The following ARHGAP26 variants were observed in gnomAD, a reference collection of about 807,000 sequenced individuals.
ARHGAP26 encodes the protein rho GTPase-activating protein 26.
A neutral mutation model predicts 104.8 loss-of-function variants in ARHGAP26; 38 were observed. That is an observed-to-expected ratio of 0.36 (90% CI 0.28 to 0.48). The LOEUF is 0.48. Among genes scored for constraint, ARHGAP26 ranks in the 20% least tolerant of loss-of-function variants. The pLI is 0.99. For missense variants in ARHGAP26, 704 were observed against 947.9 expected, an observed-to-expected ratio of 0.74 and a Z score of 3.38; for synonymous variants, 341 against 340.0, an observed-to-expected ratio of 1.00 and a Z score of -0.03.
rs1793508845 is a variant in ARHGAP26 at position 143,103,218 on chromosome 5, CT to C, written c.1539-17769del. On this transcript the variant is annotated intron_variant, in intron 17 of 22. Transcript: ENST00000645722. ...ATTGTGCCTGGGACCTTAAAAGTCA[CT>C]GGATCAGTAGACATGGGAAAAAGTT... 3.0e-6 allele frequency: 3 copies of C among 984,788 alleles called. No homozygotes were observed. In the African/African-American group the frequency reaches 5.2e-5, roughly 17 times the overall value. 61.0% of individuals were successfully genotyped at this position (984,788 alleles called of 1,614,324 possible).
At chr5:142,885,435 C>T (rs772042048) in intron 5 of ARHGAP26, 36 bp downstream of exon 5, 1 of 1,544,324 alleles carries the variant, frequency 6.5e-7, no homozygotes, top group Non-Finnish European at 8.9e-7. Context: ...ATAAAGTGTT[C>T]AATTTGTACA....
intron 11 of ARHGAP26, among the ~76,000 whole-genome samples, chr5:142,976,635 T>A (rs940926219): frequency 3.3e-5 from 5 of 152,156 alleles, no homozygotes; most frequent in African/African-American, 1.2e-4. Flanking sequence ...TCATAAGATA[T>A]CCTGTTGGGA....
intron 17 of ARHGAP26, among the ~76,000 whole-genome samples, chr5:143,110,868 A>G (rs1296792417): frequency 6.6e-6 from 1 of 152,230 alleles, no homozygotes. Flanking sequence ...TACTAGCTGA[A>G]GCCTAAACTG....
chr5:143,076,218 G>A (rs1267186859), intron 17 of ARHGAP26, among the ~76,000 whole-genome samples: 1 of 131,076 alleles, frequency 7.6e-6, no homozygotes, highest in Non-Finnish European at 1.6e-5. Flanking sequence ...GGCTGGTCTC[G>A]AACTCCTGGC....
At chr5:143,043,206 C>T (rs1180284786) in intron 14 of ARHGAP26, among the ~76,000 whole-genome samples, 1 of 152,220 alleles carries the variant, frequency 6.6e-6, no homozygotes, top group African/African-American at 2.4e-5. Flanking sequence ...TCCCACCTTG[C>T]ACCCTGTGCC....
intron 20 of ARHGAP26, among the ~76,000 whole-genome samples, chr5:143,199,768 A>G (rs1047216284): frequency 1.3e-5 from 2 of 152,132 alleles, no homozygotes; most frequent in Non-Finnish European, 2.9e-5. Context: ...GCAAATGCCA[A>G]TTTTGCTGCT....
At chr5:143,183,088 A>G (rs975200176) in intron 20 of ARHGAP26, among the ~76,000 whole-genome samples, 4 of 151,736 alleles carry the variant, frequency 2.6e-5, no homozygotes, top group Non-Finnish European at 4.4e-5. Flanking sequence ...AAAAAAAAAA[A>G]AAAGAAAAAA....
chr5:142,903,725 G>A, intron 8 of ARHGAP26, 56 bp downstream of exon 8: 5 of 1,579,180 alleles, frequency 3.2e-6, no homozygotes, highest in Non-Finnish European at 4.3e-6. Context: ...TACCTAGAAG[G>A]TGGAGGATGT....
intron 1 of ARHGAP26, among the ~76,000 whole-genome samples, chr5:142,836,599 C>T (rs1769627300): frequency 6.6e-6 from 1 of 152,154 alleles, no homozygotes; most frequent in Non-Finnish European, 1.5e-5. Context: ...CCTGTGTTTT[C>T]ACAGAAGTTG....
chr5:143,080,250 A>C (rs1236504766), intron 17 of ARHGAP26, among the ~76,000 whole-genome samples: 1 of 152,244 alleles, frequency 6.6e-6, no homozygotes, highest in Admixed American at 6.5e-5. Context: ...GCTTAAAGTT[A>C]AATTGAGGCA....
intron 14 of ARHGAP26, among the ~76,000 whole-genome samples, chr5:143,051,269 C>T (rs1264196750): frequency 6.6e-6 from 1 of 152,196 alleles, no homozygotes; most frequent in East Asian, 1.9e-4. Context: ...CCAAGTGTGA[C>T]ATTTCTAAGA....
At chr5:142,938,973 A>T (rs961807368) in intron 11 of ARHGAP26, among the ~76,000 whole-genome samples, 1 of 152,218 alleles carries the variant, frequency 6.6e-6, no homozygotes, top group Non-Finnish European at 1.5e-5. Context: ...TAAGAAACAG[A>T]TACTTTAGCA....
chr5:143,120,050 G>A (rs1181684152), intron 17 of ARHGAP26, among the ~76,000 whole-genome samples: 1 of 152,222 alleles, frequency 6.6e-6, no homozygotes, highest in African/African-American at 2.4e-5. Context: ...TTTCAAGTTA[G>A]TAATGAATAG....
chr5:143,196,218 C>A (rs1187510478), intron 20 of ARHGAP26, among the ~76,000 whole-genome samples: 1 of 152,022 alleles, frequency 6.6e-6, no homozygotes, highest in African/African-American at 2.4e-5. Context: ...TTGCTGGTGT[C>A]CACATCTCTT....
At chr5:143,032,744 T>TA (rs1369899975) in intron 12 of ARHGAP26, among the ~76,000 whole-genome samples, 12 of 152,362 alleles carry the variant, frequency 7.9e-5, no homozygotes, top group African/African-American at 2.2e-4. Context: ...TGGTCCATGA[T>TA]AAATAATAAA....
At chr5:142,963,181 T>TATATATATATATATATAC (rs1770610595) in intron 11 of ARHGAP26, among the ~76,000 whole-genome samples, 7 of 111,562 alleles carry the variant, frequency 6.3e-5, no homozygotes, top group African/African-American at 3.6e-4. Flanking sequence ...TGTATATATA[T>TATATATATATATATATAC]ATATATATAT....
At chr5:142,784,170 T>G (rs1758073338) in intron 1 of ARHGAP26, among the ~76,000 whole-genome samples, 1 of 152,314 alleles carries the variant, frequency 6.6e-6, no homozygotes, top group East Asian at 1.9e-4. Flanking sequence ...GCAAGATGGG[T>G]TTCTCTCTGG....
intron 2 of ARHGAP26, among the ~76,000 whole-genome samples, chr5:142,873,807 A>G (rs982565428): frequency 6.6e-6 from 1 of 152,152 alleles, no homozygotes; most frequent in Non-Finnish European, 1.5e-5. Context: ...CATAGTACTA[A>G]GAGCTTAGAG....
At chr5:143,095,010 CAATA>C (rs1250428063) in intron 17 of ARHGAP26, among the ~76,000 whole-genome samples, 2 of 152,094 alleles carry the variant, frequency 1.3e-5, no homozygotes, top group East Asian at 1.9e-4. Flanking sequence ...TTATATCTAA[CAATA>C]AATAGACTCA....
Sources: gnomAD v4.1 joint callset for allele counts (sites outside exome capture counted in the v4.1 genomes callset) on GRCh38, gnomAD v4.1.1 for gene constraint, MANE v1.5 for transcripts, NCBI Gene and HGNC (gene_info 2026-07-23, HGNC 2026-07-21) for gene names.